The following LRP1B variants were observed in gnomAD, a reference collection of about 807,000 sequenced individuals.
The protein encoded by LRP1B is LDL receptor related protein 1B, also known as low-density lipoprotein receptor-related protein 1B.
A neutral mutation model predicts 556.6 loss-of-function variants in LRP1B; 217 were observed. The observed-to-expected ratio is 0.39, with a 90% CI of 0.35 to 0.44. The LOEUF (loss-of-function observed/expected upper bound fraction) is 0.44, where lower values mean the gene tolerates loss of function less well. Among genes scored for constraint, LRP1B ranks in the 20% least tolerant of loss-of-function variants. The pLI is 1.00. For synonymous variants in LRP1B, 2,047 were observed against 1,865.8 expected (o/e 1.10, Z -2.50); for missense variants, 5,053 against 5,620.8 (o/e 0.90, Z 3.23).
intron 2 of LRP1B, among the ~76,000 whole-genome samples, chr2:141,662,569 CA>C (rs1202158693): frequency 6.6e-6 from 1 of 151,770 alleles, no homozygotes; most frequent in Non-Finnish European, 1.5e-5. Context: ...CAACAGAGAT[CA>C]AAAAAGACAA....
chr2:141,741,991 G>A (rs1036802757), intron 2 of LRP1B, among the ~76,000 whole-genome samples: 1 of 152,248 alleles, frequency 6.6e-6, no homozygotes, highest in East Asian at 1.9e-4. Context: ...TAGGCGTCTA[G>A]CTTCATTCTT....
intron 6 of LRP1B, among the ~76,000 whole-genome samples, chr2:141,211,490 C>T (rs537712919): frequency 2.2e-4 from 33 of 151,788 alleles, no homozygotes; most frequent in African/African-American, 7.5e-4. Flanking sequence ...CCTGGTGGTG[C>T]GTGCCTGTAA....
At chr2:140,436,893 C>T (rs567827058) in intron 66 of LRP1B, among the ~76,000 whole-genome samples, 2 of 152,160 alleles carry the variant, frequency 1.3e-5, no homozygotes, top group African/African-American at 4.8e-5. Flanking sequence ...CTAGGAGAAA[C>T]AATACTGGAT....
chr2:140,848,690 A>T (rs1412537283), intron 29 of LRP1B, among the ~76,000 whole-genome samples: 1 of 152,194 alleles, frequency 6.6e-6, no homozygotes, highest in Non-Finnish European at 1.5e-5. Flanking sequence ...TCCTTCTACC[A>T]AATTTAGGTT....
At chr2:141,344,720 T>G (rs1688185288) in intron 3 of LRP1B, among the ~76,000 whole-genome samples, 1 of 152,216 alleles carries the variant, frequency 6.6e-6, no homozygotes, top group Admixed American at 6.5e-5. Flanking sequence ...CCCACTGTAT[T>G]CATAGTGTCT....
At chr2:140,868,756 T>C (rs1693032208) in intron 25 of LRP1B, among the ~76,000 whole-genome samples, 1 of 152,110 alleles carries the variant, frequency 6.6e-6, no homozygotes, top group African/African-American at 2.4e-5. Context: ...CTTATGGGTC[T>C]TGTAGGGTAA....
At chr2:141,110,803 C>G (rs1700731914) in intron 7 of LRP1B, among the ~76,000 whole-genome samples, 1 of 152,018 alleles carries the variant, frequency 6.6e-6, no homozygotes, top group Non-Finnish European at 1.5e-5. Flanking sequence ...AATTTTCTGC[C>G]TTTAGTCAAA....
At chr2:141,689,553 T>C (rs1691437213) in intron 2 of LRP1B, among the ~76,000 whole-genome samples, 1 of 147,572 alleles carries the variant, frequency 6.8e-6, no homozygotes. Flanking sequence ...TATTGTATAT[T>C]GTATATATAA....
chr2:140,286,768 C>T (rs1218476186), intron 84 of LRP1B, among the ~76,000 whole-genome samples: 1 of 151,590 alleles, frequency 6.6e-6, no homozygotes, highest in East Asian at 1.9e-4. Flanking sequence ...AAATTATATA[C>T]CTAAATATAT....
At chr2:142,034,021 C>A (rs1703792622) in intron 1 of LRP1B, among the ~76,000 whole-genome samples, 1 of 151,808 alleles carries the variant, frequency 6.6e-6, no homozygotes, top group Non-Finnish European at 1.5e-5. Context: ...TCCCACATTG[C>A]CAGAAACTTG....
intron 1 of LRP1B, among the ~76,000 whole-genome samples, chr2:142,081,992 C>T (rs1472529198): frequency 6.6e-6 from 1 of 152,174 alleles, no homozygotes; most frequent in Non-Finnish European, 1.5e-5. Flanking sequence ...CAGACTTAAG[C>T]AGATTTGGCT....
intron 66 of LRP1B, among the ~76,000 whole-genome samples, chr2:140,405,473 CAAGAA>C (rs1443573155): frequency 4.0e-5 from 6 of 151,846 alleles, no homozygotes; most frequent in Middle Eastern, 3.4e-3. Context: ...GGAGATTAAC[CAAGAA>C]AAGAAGAGAA....
intron 1 of LRP1B, among the ~76,000 whole-genome samples, chr2:142,124,104 A>G (rs2105016863): frequency 6.6e-6 from 1 of 152,006 alleles, no homozygotes; most frequent in Non-Finnish European, 1.5e-5. Context: ...AACATGTGTA[A>G]CAAGGGTTTG....
chr2:141,006,076 T>C (rs1486124545), intron 14 of LRP1B, among the ~76,000 whole-genome samples: 1 of 151,922 alleles, frequency 6.6e-6, no homozygotes, highest in East Asian at 1.9e-4. Context: ...TAAGCAGGCA[T>C]GAGAGGAAAT....
chr2:141,595,240 C>T (rs1403093213), intron 2 of LRP1B, among the ~76,000 whole-genome samples: 1 of 151,974 alleles, frequency 6.6e-6, no homozygotes, highest in Non-Finnish European at 1.5e-5. Flanking sequence ...TACAGTTTAT[C>T]AGGATCTAGG....
chr2:142,069,204 T>C lies in LRP1B; in HGVS notation c.82+61444A>G, dbSNP rs140307225. Among the ~76,000 whole-genome samples the C allele has an allele frequency of 1.1e-3, 170 of 151,764 alleles. 5 individuals carry two copies. The East Asian group carries it at 0.031, about 27-fold the overall frequency. ...CTACCAGTTATAACTCTATCTAATCTAGCCAAAATGTGCTGTAATTTAAAA... is the reference window on the plus strand; with the variant it reads ...CTACCAGTTATAACTCTATCTAATCCAGCCAAAATGTGCTGTAATTTAAAA... On this transcript the variant is annotated intron_variant, in intron 1 of 90. Coordinates refer to ENST00000389484, the MANE Select transcript of LRP1B (RefSeq NM_018557.3).
chr2:140,754,242 T>G (rs938906501), intron 35 of LRP1B, among the ~76,000 whole-genome samples: 3 of 152,112 alleles, frequency 2.0e-5, no homozygotes, highest in Non-Finnish European at 2.9e-5. Context: ...TGCAGCAAAC[T>G]AAATGGTAGG....
chr2:141,794,875 T>G (rs542049343), intron 2 of LRP1B, among the ~76,000 whole-genome samples: 1 of 152,156 alleles, frequency 6.6e-6, no homozygotes, highest in Non-Finnish European at 1.5e-5. Context: ...AACATTGCAT[T>G]TTGGGACAGG....
At chr2:140,928,537 G>A (rs1426593208) in intron 20 of LRP1B, among the ~76,000 whole-genome samples, 1 of 152,056 alleles carries the variant, frequency 6.6e-6, no homozygotes, top group Non-Finnish European at 1.5e-5. Flanking sequence ...TGATGCAAAA[G>A]GAAGATACAT....
Sources: gnomAD v4.1 joint callset for allele counts (sites outside exome capture counted in the v4.1 genomes callset) on GRCh38, gnomAD v4.1.1 for gene constraint, MANE v1.5 for transcripts, NCBI Gene and HGNC (gene_info 2026-07-23, HGNC 2026-07-21) for gene names.